Variants in CREBBP observed in about 807,000 individuals in gnomAD.
The protein encoded by CREBBP is CREB binding lysine acetyltransferase.
A neutral mutation model predicts 265.0 loss-of-function variants in CREBBP; 19 were observed. The observed-to-expected ratio is 0.07, with a 90% CI of 0.05 to 0.11. CREBBP has a LOEUF of 0.11. Ranked by LOEUF, CREBBP falls within the 10% of genes least tolerant of loss-of-function variation. The probability of loss-of-function intolerance (pLI) is 1.00; values close to 1 mark genes in which losing one functional copy is unlikely to be tolerated. For missense variants in CREBBP, 2,525 were observed against 3,219.0 expected, an observed-to-expected ratio of 0.78 and a Z score of 5.22; for synonymous variants, 1,457 against 1,223.7, an observed-to-expected ratio of 1.19 and a Z score of -3.98.
chr16:3,876,409 A>AAC (rs1422639965), intron 1 of CREBBP, among the ~76,000 whole-genome samples: 30 of 145,092 alleles, frequency 2.1e-4, no homozygotes, highest in African/African-American at 8.2e-4. Context: ...CAAAAAAAAA[A>AAC]AAAAAAAAAA....
At chr16:3,746,686 C>A (rs1487225524) in intron 21 of CREBBP, among the ~76,000 whole-genome samples, 1 of 152,148 alleles carries the variant, frequency 6.6e-6, no homozygotes, top group African/African-American at 2.4e-5. Flanking sequence ...GTGGCTCACA[C>A]CTGTAATCCT....
intron 3 of CREBBP, among the ~76,000 whole-genome samples, chr16:3,805,072 C>T (rs1216671913): frequency 1.3e-5 from 2 of 152,134 alleles, no homozygotes; most frequent in Non-Finnish European, 2.9e-5. Context: ...ATTATGTTTC[C>T]CAGCTGATAC....
At chr16:3,852,181 T>C (rs1329462046) in intron 1 of CREBBP, among the ~76,000 whole-genome samples, 3 of 125,004 alleles carry the variant, frequency 2.4e-5, no homozygotes, top group African/African-American at 1.0e-4. Context: ...TTTTTTTTTT[T>C]TGAGACAGAG....
intron 28 of CREBBP, among the ~76,000 whole-genome samples, chr16:3,734,292 T>C (rs941685091): frequency 5.3e-5 from 8 of 152,140 alleles, no homozygotes; most frequent in African/African-American, 1.7e-4. Flanking sequence ...TCCTGGGGTG[T>C]TGCTGACGAA....
intron 10 of CREBBP, 105 bp downstream of exon 10, chr16:3,777,906 C>A: frequency 7.4e-7 from 1 of 1,351,172 alleles, no homozygotes; most frequent in Non-Finnish European, 1.1e-6. Context: ...TTCTGCAGGG[C>A]ATGCATCAGA....
At chr16:3,846,739 C>T (rs2054674898) in intron 2 of CREBBP, among the ~76,000 whole-genome samples, 1 of 152,180 alleles carries the variant, frequency 6.6e-6, no homozygotes, top group Admixed American at 6.5e-5. Context: ...TAATGCTACT[C>T]TTTATGTCTG....
At chr16:3,836,504 A>C (rs772113704) in intron 2 of CREBBP, among the ~76,000 whole-genome samples, 1 of 152,022 alleles carries the variant, frequency 6.6e-6, no homozygotes, top group African/African-American at 2.4e-5. Flanking sequence ...GAGTGGGGAC[A>C]GAAAAAGGGA....
chr16:3,853,369 G>C (rs1467784688), intron 1 of CREBBP, among the ~76,000 whole-genome samples: 2 of 152,170 alleles, frequency 1.3e-5, no homozygotes, highest in Non-Finnish European at 2.9e-5. Flanking sequence ...CCAGCACTTT[G>C]GGAGGCCAAG....
chr16:3,800,482 G>GT (rs149837469), intron 3 of CREBBP, among the ~76,000 whole-genome samples: 3,576 of 152,046 alleles, frequency 0.024, 126 homozygotes, highest in African/African-American at 0.078. Flanking sequence ...AGCCTGCTTT[G>GT]TTTTTTTAAT....
At chr16:3,751,679 A>C (rs755801612) in intron 20 of CREBBP, 47 bp downstream of exon 20, 32 of 1,567,784 alleles carry the variant, frequency 2.0e-5, no homozygotes, top group Middle Eastern at 1.7e-4. Context: ...AAAACAATTT[A>C]AGGTCACCCT....
chr16:3,794,376 G>A (rs1366757066), intron 3 of CREBBP, among the ~76,000 whole-genome samples: 1 of 131,300 alleles, frequency 7.6e-6, no homozygotes, highest in African/African-American at 2.7e-5. Context: ...GATTTGCCAA[G>A]GCCTGACCAA....
intron 1 of CREBBP, among the ~76,000 whole-genome samples, chr16:3,869,430 A>T (rs945922617): frequency 2.0e-5 from 3 of 152,204 alleles, no homozygotes; most frequent in African/African-American, 7.2e-5. Context: ...TTTAATTTGG[A>T]GTCTTGCATC....
At chr16:3,836,864 CG>C (rs1203243661) in intron 2 of CREBBP, among the ~76,000 whole-genome samples, 1 of 152,118 alleles carries the variant, frequency 6.6e-6, no homozygotes, top group Non-Finnish European at 1.5e-5. Context: ...GGCCTAGTGA[CG>C]TAGTAGCTGT....
At position 3,739,633 on chromosome 16, in the gene CREBBP, A is replaced by G. The variant is rs1359483892; in HGVS notation, c.4225T>C (p.Phe1409Leu). 6.2e-7 allele frequency: 1 copy of G among 1,614,256 alleles called. No individual in the cohort carries two copies. The highest frequency in any genetic ancestry group is 1.1e-5 in the South Asian group (1 of 91,088). ...TATTCTTGGACGTGCATTCCAAAAAAGCAGACATCCACGCCGTCAATTTCC... is the reference window on the plus strand; with the variant it reads ...TATTCTTGGACGTGCATTCCAAAAAGGCAGACATCCACGCCGTCAATTTCC... ...FEEIDGVDVC[F>L]FGMHVQEYGS... Residue 1409 changes from phenylalanine to leucine, a missense_variant, in exon 25 of 31, where the codon TTT becomes CTT. Phe to Leu is a conservative substitution (Grantham distance 22). Around this residue, in one of 19 missense-constraint regions of CREBBP, gnomAD observed 252 missense variants for 452.5 expected, o/e 0.56. Transcript: ENST00000262367.
At chr16:3,878,552 T>A (rs1393169367) in intron 1 of CREBBP, among the ~76,000 whole-genome samples, 1 of 152,230 alleles carries the variant, frequency 6.6e-6, no homozygotes, top group African/African-American at 2.4e-5. Flanking sequence ...TATTCAAACT[T>A]AAGCCACAAA....
At chr16:3,836,459 G>GA (rs1274817467) in intron 2 of CREBBP, among the ~76,000 whole-genome samples, 17 of 149,540 alleles carry the variant, frequency 1.1e-4, no homozygotes, top group Middle Eastern at 3.4e-3. Flanking sequence ...AGAAAAAAAA[G>GA]AAAAAAAAGA....
intron 27 of CREBBP, 100 bp from the exon 28 acceptor site, chr16:3,736,303 T>TG: frequency 7.9e-7 from 1 of 1,260,382 alleles, no homozygotes; most frequent in South Asian, 1.2e-5. Flanking sequence ...CACCATGGTG[T>TG]GGCAGAGTCC....
rs556578894 is a variant in CREBBP at position 3,854,577 on chromosome 16, C to A, written c.86-3568G>T. On this transcript the variant is annotated intron_variant, in intron 1 of 30. Coordinates refer to ENST00000262367, the MANE Select transcript of CREBBP (RefSeq NM_004380.3). ...ATCATGTCTATGGAAGAAGTTCAAA[C>A]ACCTTCTCATGGCACGTGAGGCTAT... 2.9e-3 allele frequency among the ~76,000 whole-genome samples: 442 copies of A among 152,358 alleles called. 1 individual carries two copies. The highest frequency in any genetic ancestry group is 0.01 in the African/African-American group (421 of 41,588).
chr16:3,776,153 A>G (rs2053133211), intron 11 of CREBBP, among the ~76,000 whole-genome samples: 2 of 151,978 alleles, frequency 1.3e-5, no homozygotes, highest in South Asian at 4.1e-4. Context: ...CCTGACCTCA[A>G]GTGATCCTCC....
Sources: gnomAD v4.1 joint callset for allele counts (sites outside exome capture counted in the v4.1 genomes callset) on GRCh38, gnomAD v4.1.1 for gene constraint, gnomAD v4.1.1 regional missense constraint, MANE v1.5 for transcripts, NCBI Gene and HGNC (gene_info 2026-07-23, HGNC 2026-07-21) for gene names.